The following NKAIN3 variants were observed in gnomAD, a reference collection of about 807,000 sequenced individuals.
NKAIN3 encodes the protein sodium/potassium-transporting ATPase subunit beta-1-interacting protein 3.
A neutral mutation model predicts 30.2 loss-of-function variants in NKAIN3; 25 were observed. That is an observed-to-expected ratio of 0.83 (90% CI 0.60 to 1.16). The LOEUF (loss-of-function observed/expected upper bound fraction) is 1.16, where lower values mean the gene tolerates loss of function less well. NKAIN3 is among the 50% of genes most tolerant of loss of function. The pLI is 0.00. For synonymous variants in NKAIN3, 91 were observed against 89.6 expected (o/e 1.02, Z -0.09); for missense variants, 225 against 254.1 (o/e 0.89, Z 0.78).
chr8:62,609,592 G>T (rs1226954814), intron 3 of NKAIN3, among the ~76,000 whole-genome samples: 1 of 152,048 alleles, frequency 6.6e-6, no homozygotes, highest in African/African-American at 2.4e-5. Flanking sequence ...TGGGGAAAGA[G>T]ACATAATATA....
chr8:62,470,491 C>T (rs1806295049), intron 1 of NKAIN3, among the ~76,000 whole-genome samples: 1 of 152,078 alleles, frequency 6.6e-6, no homozygotes, highest in Admixed American at 6.5e-5. Context: ...GACATGTTGA[C>T]TTAATTTAAT....
At chr8:62,630,560 C>T (rs1251145955) in intron 3 of NKAIN3, among the ~76,000 whole-genome samples, 4 of 152,100 alleles carry the variant, frequency 2.6e-5, no homozygotes, top group Non-Finnish European at 5.9e-5. Context: ...ATCGCCAAAA[C>T]GTGCTTGATT....
chr8:62,647,348 T>A (rs934767563), intron 3 of NKAIN3, among the ~76,000 whole-genome samples: 1 of 152,188 alleles, frequency 6.6e-6, no homozygotes. Flanking sequence ...AAGTTGTTCA[T>A]CCATTAGGCT....
chr8:62,840,150 G>A (rs1440257952), intron 4 of NKAIN3, among the ~76,000 whole-genome samples: 1 of 151,964 alleles, frequency 6.6e-6, no homozygotes, highest in East Asian at 1.9e-4. Context: ...GTTATCACTA[G>A]GAGAAACAAA....
intron 4 of NKAIN3, among the ~76,000 whole-genome samples, chr8:62,843,081 T>C (rs1036399314): frequency 2.0e-5 from 3 of 151,424 alleles, no homozygotes; most frequent in Admixed American, 2.0e-4. Context: ...ATGAGAAAAA[T>C]ATTTGCAAAC....
intron 4 of NKAIN3, among the ~76,000 whole-genome samples, chr8:62,811,049 C>G (rs1818469771): frequency 6.6e-6 from 1 of 152,060 alleles, no homozygotes; most frequent in Admixed American, 6.6e-5. Context: ...CCCCTTCCTC[C>G]TTTCCTTCCC....
At chr8:62,753,017 G>A (rs1016392977) in intron 4 of NKAIN3, among the ~76,000 whole-genome samples, 1 of 152,052 alleles carries the variant, frequency 6.6e-6, no homozygotes, top group East Asian at 1.9e-4. Flanking sequence ...TCTTCCGCAT[G>A]TTCTTTATTT....
Position 62,888,160 on chromosome 8 carries a change from G to C in NKAIN3, c.472-30293G>C, listed in dbSNP as rs534972578. Among the ~76,000 whole-genome samples the C allele has an allele frequency of 2.6e-5, 4 of 152,294 alleles. No individual in the cohort carries two copies. In the East Asian group the frequency reaches 7.7e-4, roughly 29 times the overall value. On this transcript the variant is annotated intron_variant, in intron 4 of 6. Transcript: ENST00000623646. The stretch of plus-strand genomic sequence containing the variant: ...GAGAAAGGATTAGTAAAGCAGGCTA[G>C]AGTTGGGTATTTCTCTTTCCCCAGG...
intron 3 of NKAIN3, among the ~76,000 whole-genome samples, chr8:62,636,507 G>A (rs970014425): frequency 2.6e-5 from 4 of 152,156 alleles, no homozygotes; most frequent in African/African-American, 7.2e-5. Flanking sequence ...GAAATTTACA[G>A]TAGTAAAGAG....
At chr8:62,761,743 T>C (rs575182600) in intron 4 of NKAIN3, among the ~76,000 whole-genome samples, 23 of 152,318 alleles carry the variant, frequency 1.5e-4, no homozygotes, top group African/African-American at 5.1e-4. Flanking sequence ...GAAGCAGCTC[T>C]TCATATTGCC....
At chr8:62,505,236 C>G (rs1807593717) in intron 1 of NKAIN3, among the ~76,000 whole-genome samples, 1 of 152,194 alleles carries the variant, frequency 6.6e-6, no homozygotes, top group Non-Finnish European at 1.5e-5. Flanking sequence ...AATTCATTCA[C>G]TTCACAAATA....
intron 1 of NKAIN3, among the ~76,000 whole-genome samples, chr8:62,542,551 A>G (rs1042906488): frequency 1.3e-5 from 2 of 152,180 alleles, no homozygotes; most frequent in Admixed American, 1.3e-4. Context: ...TGACATCTCT[A>G]TCTATAACAG....
At chr8:62,753,079 G>A (rs1191275213) in intron 4 of NKAIN3, among the ~76,000 whole-genome samples, 1 of 151,910 alleles carries the variant, frequency 6.6e-6, no homozygotes, top group African/African-American at 2.4e-5. Flanking sequence ...GCTTCCAGTG[G>A]GGGGATTTCA....
chr8:62,902,433 C>T (rs1046243071), intron 4 of NKAIN3, among the ~76,000 whole-genome samples: 4 of 152,272 alleles, frequency 2.6e-5, no homozygotes, highest in African/African-American at 9.6e-5. Context: ...CCAAGCCCAA[C>T]TTTTACTCCA....
At position 62,584,005 on chromosome 8, in the gene NKAIN3, G is replaced by A. The variant is rs114802418; in HGVS notation, c.192+4329G>A. On this transcript the variant is annotated intron_variant, in intron 2 of 6. Coordinates refer to ENST00000623646, the MANE Select transcript of NKAIN3 (RefSeq NM_001304533.3). ...GCTTTGGTTTGAAGCTACAACTGGT[G>A]GCCTAGAATTAATTCTGATATTTAA... Among the ~76,000 whole-genome samples, 856 of 152,064 alleles carry A rather than the reference G, an allele frequency of 5.6e-3. 5 individuals carry two copies. The highest frequency in any genetic ancestry group is 0.02 in the African/African-American group (814 of 41,478).
At chr8:62,600,781 C>A (rs1358489253) in intron 3 of NKAIN3, among the ~76,000 whole-genome samples, 1 of 152,038 alleles carries the variant, frequency 6.6e-6, no homozygotes, top group East Asian at 1.9e-4. Context: ...TAAATTGACA[C>A]CATCATTCAT....
At chr8:62,989,911 A>G (rs1455568) in intron 5 of NKAIN3, among the ~76,000 whole-genome samples, 60,519 of 151,842 alleles carry the variant, frequency 0.4, 12,147 homozygotes, top group South Asian at 0.48. Flanking sequence ...TTTGGCAATC[A>G]CATTACCTTG....
At chr8:62,504,536 A>T (rs1258211222) in intron 1 of NKAIN3, among the ~76,000 whole-genome samples, 2 of 152,096 alleles carry the variant, frequency 1.3e-5, no homozygotes, top group African/African-American at 4.8e-5. Flanking sequence ...TCTAGATTCC[A>T]TAGAGTCCAC....
chr8:62,316,721 T>C (rs1003347175), intron 1 of NKAIN3, among the ~76,000 whole-genome samples: 3 of 152,226 alleles, frequency 2.0e-5, no homozygotes, highest in Admixed American at 6.5e-5. Context: ...CTATTGTGAA[T>C]AGTGCCACAA....
Sources: allele counts gnomAD v4.1 joint callset (sites outside exome capture counted in the v4.1 genomes callset), GRCh38; gene constraint gnomAD v4.1.1; transcripts MANE v1.5; gene names NCBI Gene and HGNC (gene_info 2026-07-23, HGNC 2026-07-21).